The following CPNE9 variants were observed in gnomAD, a reference collection of about 807,000 sequenced individuals.
CPNE9 encodes the protein copine-9.
In CPNE9, 59 loss-of-function variants were observed where a neutral mutation model predicts 83.0. The observed-to-expected ratio is 0.71, with a 90% CI of 0.58 to 0.88. CPNE9 has a LOEUF of 0.88. Ranked by LOEUF, CPNE9 falls within the 40% of genes least tolerant of loss-of-function variation. The pLI is 0.00. For missense variants in CPNE9, 619 were observed against 720.8 expected, an observed-to-expected ratio of 0.86 and a Z score of 1.62; for synonymous variants, 256 against 273.4, an observed-to-expected ratio of 0.94 and a Z score of 0.63.
At chr3:9,705,538 A>C (rs2076555424) in intron 5 of CPNE9, 38 bp downstream of exon 5, 1 of 1,607,364 alleles carries the variant, frequency 6.2e-7, no homozygotes, top group Non-Finnish European at 8.5e-7. Flanking sequence ...CGGAGCGCAC[A>C]GGAGGCACTT....
intron 7 of CPNE9, among the ~76,000 whole-genome samples, chr3:9,711,566 A>G (rs539016240): frequency 2.6e-5 from 4 of 152,256 alleles, no homozygotes; most frequent in African/African-American, 7.2e-5. Flanking sequence ...GCAAAGCACA[A>G]AGAGTCAAAG....
chr3:9,716,764 C>T (rs1421647237), intron 14 of CPNE9, among the ~76,000 whole-genome samples: 1 of 152,206 alleles, frequency 6.6e-6, no homozygotes, highest in Admixed American at 6.5e-5. Context: ...GCCACGGCGC[C>T]CAGCCAAATG....
chr3:9,719,108 A>C (rs986444696), intron 17 of CPNE9, among the ~76,000 whole-genome samples: 1 of 152,086 alleles, frequency 6.6e-6, no homozygotes, highest in Non-Finnish European at 1.5e-5. Flanking sequence ...AAGTGCTGGG[A>C]TTACAAGCAT....
chr3:9,704,339 G>T lies in CPNE9; in HGVS notation c.69-248G>T, dbSNP rs774011254. 3.3e-5 allele frequency among the ~76,000 whole-genome samples: 5 copies of T among 152,222 alleles called. No homozygotes were observed. The highest frequency in any genetic ancestry group is 7.3e-5 in the Non-Finnish European group (5 of 68,044). On this transcript the variant is annotated intron_variant, in intron 1 of 20. Transcript: ENST00000383832. This position sits in a 1 kb window ranked among gnomAD's most constrained non-coding sequence, Gnocchi z 7.1. ...CCAGGAGGACAAAGTTCTGGGGCGAGCCCTCTTTCCTGGGCCCTTGGAGAC... is the reference window on the plus strand; with the variant it reads ...CCAGGAGGACAAAGTTCTGGGGCGATCCCTCTTTCCTGGGCCCTTGGAGAC...
At chr3:9,722,202 G>T (rs956516801) in intron 17 of CPNE9, among the ~76,000 whole-genome samples, 5 of 144,190 alleles carry the variant, frequency 3.5e-5, no homozygotes, top group African/African-American at 1.3e-4. Context: ...TGGGATTACA[G>T]GCATGAGCCA....
chr3:9,716,665 T>G (rs2076686641), intron 14 of CPNE9, among the ~76,000 whole-genome samples: 1 of 152,178 alleles, frequency 6.6e-6, no homozygotes, highest in African/African-American at 2.4e-5. Context: ...AGAGATGCGG[T>G]TTCCCCATGT....
intron 16 of CPNE9, 44 bp from the exon 17 acceptor site, chr3:9,718,431 G>T: frequency 6.3e-7 from 1 of 1,594,444 alleles, no homozygotes; most frequent in Non-Finnish European, 8.6e-7. Context: ...ACTCCTGCAT[G>T]TACCCTGCAT....
intron 19 of CPNE9, 26 bp from the exon 20 acceptor site, chr3:9,727,087 A>C (rs745507797): frequency 6.2e-7 from 1 of 1,613,900 alleles, no homozygotes; most frequent in South Asian, 1.1e-5. Context: ...GAGGCCAATC[A>C]GCTGAGGGGT....
At chr3:9,725,698 G>GTGTATATATGTATATATATGTA (rs2076777418) in intron 17 of CPNE9, among the ~76,000 whole-genome samples, 3 of 105,648 alleles carry the variant, frequency 2.8e-5, no homozygotes, top group Admixed American at 1.0e-4. Flanking sequence ...ACATATATGT[G>GTGTATATATGTATATATATGTA]TATATATGTG....
chr3:9,718,275 T>C, intron 16 of CPNE9, 65 bp downstream of exon 16: 2 of 1,502,958 alleles, frequency 1.3e-6, no homozygotes, highest in Non-Finnish European at 1.8e-6. Flanking sequence ...TTGATGATTT[T>C]GTTCTGTTTA....
intron 9 of CPNE9, 33 bp downstream of exon 9, chr3:9,712,861 G>T: frequency 6.3e-7 from 1 of 1,594,016 alleles, no homozygotes; most frequent in Non-Finnish European, 8.6e-7. Context: ...GTTAGGCTGG[G>T]GTGGGCCATG....
chr3:9,717,979 A>T (rs757910085), intron 15 of CPNE9, 50 bp from the exon 16 acceptor site: 3 of 1,506,700 alleles, frequency 2.0e-6, no homozygotes, highest in Admixed American at 3.8e-5. Flanking sequence ...GCAGGTGAAC[A>T]GATGGATGAT....
At position 9,729,648 on chromosome 3, in the gene CPNE9, C is replaced by G; in HGVS notation, c.1618C>G (p.Pro540Ala). Reference protein sequence around the residue: ...RTRDIQPRPPPPANPSPIPAP... With the variant: ...RTRDIQPRPPAPANPSPIPAP... Reference sequence around the variant, plus strand: ...CAGAGACATCCAGCCTCGGCCCCCACCCCCTGCCAACCCCAGCCCGATCCC... The same window carrying G: ...CAGAGACATCCAGCCTCGGCCCCCAGCCCCTGCCAACCCCAGCCCGATCCC... The change falls in exon 21 of 21, where the codon CCC (proline) becomes GCC (alanine). Residue 540 changes from proline (P) to alanine (A), a missense_variant. By Grantham distance (27) the Pro-to-Ala change is conservative. Coordinates refer to ENST00000383832, the MANE Select transcript of CPNE9 (RefSeq NM_153635.3). 1 of 1,613,924 alleles carries G rather than the reference C, an allele frequency of 6.2e-7. No homozygotes were observed. The highest frequency in any genetic ancestry group is 1.1e-5 in the South Asian group (1 of 91,070).
intron 10 of CPNE9, among the ~76,000 whole-genome samples, chr3:9,713,629 T>C (rs999428668): frequency 1.3e-5 from 2 of 151,216 alleles, no homozygotes; most frequent in African/African-American, 4.9e-5. Flanking sequence ...TACAAAAAGA[T>C]AGGTAGAGTG....
chr3:9,707,880 AT>A (rs1204857125), intron 7 of CPNE9, among the ~76,000 whole-genome samples: 1 of 151,590 alleles, frequency 6.6e-6, no homozygotes, highest in East Asian at 1.9e-4. Context: ...TTTATGTTTT[AT>A]AAACATATAA....
chr3:9,727,104 T>C lies in CPNE9; in HGVS notation c.1403-9T>C, dbSNP rs1226028486. On this transcript the variant is annotated splice_polypyrimidine_tract_variant and intron_variant, in intron 19 of 20. Coordinates refer to ENST00000383832, the MANE Select transcript of CPNE9 (RefSeq NM_153635.3). The stretch of plus-strand genomic sequence containing the variant: ...GGCCAATCAGCTGAGGGGTGTGTCT[T>C]TTCTGCAGCAATGGAAGAGTTGGAC... 2 of 1,614,066 alleles carry C rather than the reference T, an allele frequency of 1.2e-6. No individual in the cohort carries two copies. Among genetic ancestry groups the C allele is most frequent in the Non-Finnish European group, 1.7e-6 (2 of 1,179,980 alleles).
chr3:9,719,164 A>T (rs914271102), intron 17 of CPNE9, among the ~76,000 whole-genome samples: 6 of 152,082 alleles, frequency 3.9e-5, no homozygotes, highest in African/African-American at 7.2e-5. Flanking sequence ...TATTTAAATT[A>T]AAAAAATTAA....
chr3:9,729,406 T>C, intron 20 of CPNE9, 101 bp from the exon 21 acceptor site: 16 of 1,462,034 alleles, frequency 1.1e-5, no homozygotes, highest in Non-Finnish European at 1.3e-5. Context: ...CTGTGATAGT[T>C]GGAAAGAGAT....
intron 15 of CPNE9, among the ~76,000 whole-genome samples, chr3:9,717,323 G>A (rs184042178): frequency 5.6e-4 from 85 of 152,346 alleles, no homozygotes; most frequent in Non-Finnish European, 1.1e-3. Context: ...GGATGAGTAG[G>A]CTGATGGATG....
Sources: gnomAD v4.1 joint callset for allele counts (sites outside exome capture counted in the v4.1 genomes callset) on GRCh38, gnomAD v4.1.1 for gene constraint, Gnocchi (gnomAD v3.1) non-coding constraint, MANE v1.5 for transcripts, NCBI Gene and HGNC (gene_info 2026-07-23, HGNC 2026-07-21) for gene names.